ATP9A: variants seen among roughly 807,000 people sequenced by gnomAD.
The protein encoded by ATP9A is probable phospholipid-transporting ATPase IIA.
In ATP9A, 52 loss-of-function variants were observed where a neutral mutation model predicts 144.1. The observed-to-expected ratio is 0.36, with a 90% CI of 0.29 to 0.45. The LOEUF is 0.45. Among genes scored for constraint, ATP9A ranks in the 20% least tolerant of loss-of-function variants. ATP9A has a pLI of 1.00. For synonymous variants in ATP9A, 582 were observed against 557.4 expected (o/e 1.04, Z -0.62); for missense variants, 947 against 1,392.7 (o/e 0.68, Z 5.09).
chr20:51,666,642 T>C (rs2077434036), intron 13 of ATP9A, among the ~76,000 whole-genome samples: 1 of 148,480 alleles, frequency 6.7e-6, no homozygotes. Flanking sequence ...ATCGCACCCC[T>C]GTACCTCAGC....
intron 9 of ATP9A, among the ~76,000 whole-genome samples, chr20:51,686,791 C>T (rs2077524927): frequency 6.6e-6 from 1 of 152,032 alleles, no homozygotes; most frequent in Admixed American, 6.6e-5. Context: ...AAAAATTAGC[C>T]AGGGGTGGTT....
chr20:51,614,681 AG>A (rs1374655486), intron 22 of ATP9A, among the ~76,000 whole-genome samples: 1 of 152,176 alleles, frequency 6.6e-6, no homozygotes, highest in Admixed American at 6.5e-5. Context: ...ACGACACAAC[AG>A]GAAGAACACC....
intron 3 of ATP9A, among the ~76,000 whole-genome samples, chr20:51,718,172 G>T (rs1428636164): frequency 6.6e-6 from 1 of 152,120 alleles, no homozygotes; most frequent in Non-Finnish European, 1.5e-5. Context: ...GAGACACATG[G>T]CTGCCTTCGA....
chr20:51,656,891 A>C (rs1355498715), intron 14 of ATP9A, 47 bp downstream of exon 14: 1 of 1,560,378 alleles, frequency 6.4e-7, no homozygotes, highest in Non-Finnish European at 8.7e-7. Context: ...AGCACAGAGA[A>C]AACAAGCAGG....
chr20:51,604,233 C>A (rs928257659), intron 27 of ATP9A, among the ~76,000 whole-genome samples: 1 of 152,160 alleles, frequency 6.6e-6, no homozygotes, highest in African/African-American at 2.4e-5. Context: ...AGCTCCCTGG[C>A]GAGCCCGTCC....
intron 13 of ATP9A, among the ~76,000 whole-genome samples, chr20:51,658,888 C>T (rs1266542830): frequency 1.8e-5 from 1 of 54,852 alleles, no homozygotes; most frequent in African/African-American, 8.4e-5. Context: ...AGACCACTGG[C>T]GGGGGGGGGG....
At chr20:51,608,825 C>A (rs1201974201) in intron 24 of ATP9A, among the ~76,000 whole-genome samples, 199 bp from the exon 25 acceptor site, 1 of 152,114 alleles carries the variant, frequency 6.6e-6, no homozygotes, top group Non-Finnish European at 1.5e-5. Context: ...GAGCTTTCAT[C>A]CCGGTCAGCG....
At position 51,722,021 on chromosome 20, in the gene ATP9A, C is replaced by T. The variant is rs1031783404; in HGVS notation, c.327+3798G>A. Among the ~76,000 whole-genome samples the T allele has an allele frequency of 1.1e-4, 16 of 151,976 alleles. 1 individual carries two copies. In the East Asian group the frequency reaches 2.9e-3, roughly 28 times the overall value. On this transcript the variant is annotated intron_variant, in intron 3 of 27. Transcript: ENST00000338821. Reference sequence around the variant, plus strand: ...AGATCAATGGAACAGAATAGAGAACCCAGAAATAAACCCAAATACTTACAG... The same window carrying T: ...AGATCAATGGAACAGAATAGAGAACTCAGAAATAAACCCAAATACTTACAG...
intron 1 of ATP9A, among the ~76,000 whole-genome samples, chr20:51,750,350 T>C (rs1381108846): frequency 6.6e-6 from 1 of 151,964 alleles, no homozygotes; most frequent in African/African-American, 2.4e-5. Context: ...CCTGGGCCCT[T>C]TCACATGCCC....
chr20:51,626,874 T>C (rs2122730830), intron 17 of ATP9A, among the ~76,000 whole-genome samples: 1 of 152,144 alleles, frequency 6.6e-6, no homozygotes, highest in African/African-American at 2.4e-5. Context: ...CTGGCCAATA[T>C]GGTGAAACCC....
chr20:51,710,913 C>T (rs958530731), intron 4 of ATP9A, among the ~76,000 whole-genome samples: 2 of 152,160 alleles, frequency 1.3e-5, no homozygotes, highest in African/African-American at 2.4e-5. Flanking sequence ...GAATGGAATC[C>T]GAAGGCCTCT....
chr20:51,721,231 T>C (rs758883732), intron 3 of ATP9A, among the ~76,000 whole-genome samples: 18 of 152,368 alleles, frequency 1.2e-4, no homozygotes, highest in East Asian at 5.8e-4. Flanking sequence ...ATCCTTATCA[T>C]CCCTCACCTA....
chr20:51,702,325 A>G (rs1021993088), intron 4 of ATP9A, among the ~76,000 whole-genome samples: 3 of 150,508 alleles, frequency 2.0e-5, no homozygotes, highest in African/African-American at 7.3e-5. Context: ...ATATCTATAG[A>G]TACATAGTTT....
At chr20:51,697,701 A>G (rs529675727) in intron 4 of ATP9A, among the ~76,000 whole-genome samples, 1 of 152,320 alleles carries the variant, frequency 6.6e-6, no homozygotes, top group African/African-American at 2.4e-5. Context: ...TTCACAGGGC[A>G]CTGGAATAAC....
intron 4 of ATP9A, among the ~76,000 whole-genome samples, chr20:51,710,025 G>C (rs1273347005): frequency 6.6e-6 from 1 of 152,112 alleles, no homozygotes; most frequent in African/African-American, 2.4e-5. Context: ...TGTGAGGCCG[G>C]GCACAGTGGT....
In ATP9A at chr20:51,604,801, C is replaced by A; in HGVS notation, c.3007+16G>T. The A allele has an allele frequency of 6.8e-7, 1 of 1,469,792 alleles. No homozygotes were observed. The highest frequency in any genetic ancestry group is 9.1e-7 in the Non-Finnish European group (1 of 1,103,930). The allele number at this position is 1,469,792 out of a possible 1,614,324, so 91.0% of individuals were successfully genotyped here. ...CTGGGGGTGACGGACGGGGTTTAAG[C>A]ATTCAGGGGTCTTACCGATGAACTC... On this transcript the variant is annotated intron_variant, in intron 27 of 27. Coordinates refer to ENST00000338821, the MANE Select transcript of ATP9A (RefSeq NM_006045.3).
chr20:51,671,394 A>T, intron 11 of ATP9A, 137 bp from the exon 12 acceptor site: 1 of 945,132 alleles, frequency 1.1e-6, no homozygotes, highest in Non-Finnish European at 1.6e-6. Flanking sequence ...CCAGAGCTGA[A>T]CGCACAGACT....
At position 51,600,918 on chromosome 20, in the gene ATP9A, C is replaced by T. The variant is rs1458121363; in HGVS notation, c.*293G>A. The T allele has an allele frequency of 2.2e-5, 6 of 267,512 alleles. No individual in the cohort carries two copies. The highest frequency in any genetic ancestry group is 7.4e-5 in the East Asian group (1 of 13,522). 16.6% of individuals were successfully genotyped at this position (267,512 alleles called of 1,614,324 possible). On this transcript the variant is annotated 3_prime_UTR_variant, in exon 28 of 28. Transcript: ENST00000338821. ...ACAAAATTCAAGTCATAAGGAAGCT[C>T]GCACAGTGACCCATATAAATCTCCC... is the stretch of plus-strand genomic sequence containing the variant.
intron 13 of ATP9A, among the ~76,000 whole-genome samples, chr20:51,659,897 G>A (rs1269429713): frequency 3.9e-5 from 6 of 152,154 alleles, no homozygotes; most frequent in Non-Finnish European, 8.8e-5. Context: ...AGGAGCACAC[G>A]AGTTTCACTT....
Sources: gnomAD v4.1 joint callset for allele counts (sites outside exome capture counted in the v4.1 genomes callset) on GRCh38, gnomAD v4.1.1 for gene constraint, MANE v1.5 for transcripts, NCBI Gene and HGNC (gene_info 2026-07-23, HGNC 2026-07-21) for gene names.